Variants in DDX20 observed in about 807,000 individuals in gnomAD.
The protein encoded by DDX20 is probable ATP-dependent RNA helicase DDX20.
DDX20 carries 61 observed loss-of-function variants against 76.4 expected under a neutral mutation model. That is an observed-to-expected ratio of 0.80 (90% CI 0.65 to 0.99). The LOEUF is 0.99. Among genes scored for constraint, DDX20 ranks in the 50% least tolerant of loss-of-function variants. The pLI is 0.00. For synonymous variants in DDX20, 357 were observed against 357.4 expected (o/e 1.00, Z 0.01); for missense variants, 976 against 996.8 (o/e 0.98, Z 0.28).
At chr1:111,758,745 ATTTT>A (rs550213977) in intron 2 of DDX20, among the ~76,000 whole-genome samples, 7 of 151,866 alleles carry the variant, frequency 4.6e-5, no homozygotes, top group African/African-American at 1.7e-4. Flanking sequence ...TCCTTGTTTG[ATTTT>A]TTTATGATAC....
At chr1:111,759,627 T>TAA in intron 3 of DDX20, 59 bp downstream of exon 3, 1 of 1,461,942 alleles carries the variant, frequency 6.8e-7, no homozygotes, top group Non-Finnish European at 9.4e-7. Context: ...ACTTTTAATA[T>TAA]AACAATAAAG....
Position 111,767,104 on chromosome 1 carries a change from A to T in DDX20, c.*205A>T, listed in dbSNP as rs1269761986. 1 of 399,572 alleles carries T rather than the reference A, an allele frequency of 2.5e-6. No individual in the cohort carries two copies. Among genetic ancestry groups the T allele is most frequent in the Admixed American group, 4.0e-5 (1 of 24,830 alleles). The allele number at this position is 399,572 out of a possible 1,614,324, so 24.8% of individuals were successfully genotyped here. ...TATCTTCATTTTTAAGAGTTTCTTT[A>T]AGAAACTTCATCAGATTGTTGAAAG... is the stretch of plus-strand genomic sequence containing the variant. On this transcript the variant is annotated 3_prime_UTR_variant, in exon 11 of 11. Transcript: ENST00000369702.
In DDX20 at chr1:111,766,795, G is replaced by A. The variant is rs117402999; in HGVS notation, c.2371G>A (p.Ala791Thr). 14 of 1,614,082 alleles carry A rather than the reference G, an allele frequency of 8.7e-6. No individual in the cohort carries two copies. The highest frequency in any genetic ancestry group is 4.5e-5 in the East Asian group (2 of 44,892). The change falls in exon 11 of 11, where the codon GCT becomes ACT. Residue 791 changes from alanine to threonine, a missense_variant. Ala to Thr is a moderately conservative substitution (Grantham distance 58). Around this residue, in one of 3 missense-constraint regions of DDX20, gnomAD observed 630 missense variants for 693.7 expected, o/e 0.91. Coordinates refer to ENST00000369702, the MANE Select transcript of DDX20 (RefSeq NM_007204.5). ...GGCATGGCAAGAATATTATGCTGCCGCTTCTCATTCATATTATTGGAATGC... is the reference window on the plus strand; with the variant it reads ...GGCATGGCAAGAATATTATGCTGCCACTTCTCATTCATATTATTGGAATGC... Reference protein sequence around the residue: ...YRAWQEYYAAASHSYYWNAQR... With the variant: ...YRAWQEYYAATSHSYYWNAQR...
At chr1:111,761,607 TTTC>T (rs992456299) in intron 7 of DDX20, 10 of 183,806 alleles carry the variant, frequency 5.4e-5, no homozygotes, top group Non-Finnish European at 1.0e-4. Context: ...AAAAATATTT[TTTC>T]TTTAGAATTT....
Position 111,756,241 on chromosome 1 carries a change from C to T in DDX20, c.301+16C>T. ...TGCGGGCTCGGTGAGAGCGGGGGCCCGGGATAGGTCGGGGGGTGGGGTGGG... is the reference window on the plus strand; with the variant it reads ...TGCGGGCTCGGTGAGAGCGGGGGCCTGGGATAGGTCGGGGGGTGGGGTGGG... On this transcript the variant is annotated intron_variant, in intron 1 of 10. Transcript: ENST00000369702. The T allele has an allele frequency of 1.3e-6, 1 of 798,370 alleles. No individual in the cohort carries two copies. The highest frequency in any genetic ancestry group is 1.6e-6 in the Non-Finnish European group (1 of 607,254). 49.5% of individuals were successfully genotyped at this position (798,370 alleles called of 1,614,324 possible).
At chr1:111,760,216 T>G (rs1010658176) in intron 3 of DDX20, among the ~76,000 whole-genome samples, 1 of 152,164 alleles carries the variant, frequency 6.6e-6, no homozygotes, top group African/African-American at 2.4e-5. Flanking sequence ...AATCAGCATC[T>G]TGCATTCAGT....
Position 111,767,599 on chromosome 1 carries a change from C to T in DDX20, c.*700C>T, listed in dbSNP as rs1469546932. On this transcript the variant is annotated 3_prime_UTR_variant, in exon 11 of 11. Transcript: ENST00000369702. ...ATCAGTTGCTGTCTTACTTGTGTTG[C>T]TCAGATAGAGGAGCAGCTCTTAATC... 1.3e-5 allele frequency: 2 copies of T among 152,128 alleles called. No individual in the cohort carries two copies. The highest frequency in any genetic ancestry group is 2.9e-5 in the Non-Finnish European group (2 of 68,010). 9.4% of individuals were successfully genotyped at this position (152,128 alleles called of 1,614,324 possible).
Position 111,760,521 on chromosome 1 carries a change from A to G in DDX20, c.613A>G (p.Ile205Val), listed in dbSNP as rs1191484858. The change falls in exon 4 of 11, where the codon ATA (isoleucine) becomes GTA (valine). Residue 205 changes from isoleucine to valine, a missense_variant. Ile to Val is a conservative substitution (Grantham distance 29). Around this residue, in one of 3 missense-constraint regions of DDX20, gnomAD observed 343 missense variants for 286.4 expected, o/e 1.20. Coordinates refer to ENST00000369702, the MANE Select transcript of DDX20 (RefSeq NM_007204.5). The part of the protein sequence containing the change: ...IELDYLNPGS[I>V]RLFILDEADK... ...ACTTGACTACTTGAACCCAGGCAGT[A>G]TACGCCTCTTTATTCTTGATGAAGC... 7 of 1,613,122 alleles carry G rather than the reference A, an allele frequency of 4.3e-6. No homozygotes were observed. The highest frequency in any genetic ancestry group is 1.7e-5 in the Admixed American group (1 of 59,838).
Position 111,765,924 on chromosome 1 carries a change from T to C in DDX20, c.1500T>C (p.Ser500=), listed in dbSNP as rs776147017. Residue 500 remains serine (S), a synonymous_variant, in exon 11 of 11, where the codon TCT becomes TCC. Coordinates refer to ENST00000369702, the MANE Select transcript of DDX20 (RefSeq NM_007204.5). The part of the protein sequence containing the change: ...GDHMASSRNN[S]VSGLSVKSKN... ...ACATGGCTTCCTCTAGAAATAATTC[T>C]GTATCTGGACTATCAGTCAAATCAA... 6.2e-7 allele frequency: 1 copy of C among 1,613,864 alleles called. No individual in the cohort carries two copies. The highest frequency in any genetic ancestry group is 8.5e-7 in the Non-Finnish European group (1 of 1,179,940).
In DDX20 at chr1:111,766,815, G is replaced by A; in HGVS notation, c.2391G>A (p.Trp797Ter). Residue 797 changes from tryptophan (W) to a stop codon, truncating the protein, a stop_gained, in exon 11 of 11, where the codon TGG (tryptophan) becomes TGA (stop). Transcript: ENST00000369702. LOFTEE classifies it high-confidence loss of function. ...CTGCCGCTTCTCATTCATATTATTG[G>A]AATGCTCAGAGACATCCAAGTTGGA... ...YYAAASHSYY[W>*]NAQRHPSWMA... 5 of 1,614,094 alleles carry A rather than the reference G, an allele frequency of 3.1e-6. No individual in the cohort carries two copies. Among genetic ancestry groups the A allele is most frequent in the Non-Finnish European group, 4.2e-6 (5 of 1,179,972 alleles).
chr1:111,756,752 G>T lies in DDX20; in HGVS notation c.396+12G>T, dbSNP rs777518421. On this transcript the variant is annotated intron_variant, in intron 2 of 10. Coordinates refer to ENST00000369702, the MANE Select transcript of DDX20 (RefSeq NM_007204.5). ...ACTTAAGTACCCAGGTGAGTTAGCT[G>T]AGAGGACCAGAGGAGGATGTGTTTT... 3.1e-6 allele frequency: 5 copies of T among 1,599,100 alleles called. No homozygotes were observed. The Admixed American group carries it at 6.7e-5, about 21-fold the overall frequency.
chr1:111,765,969 G>A lies in DDX20; in HGVS notation c.1545G>A (p.Lys515=). The change falls in exon 11 of 11, where the codon AAG becomes AAA. Residue 515 remains lysine, a synonymous_variant. Coordinates refer to ENST00000369702, the MANE Select transcript of DDX20 (RefSeq NM_007204.5). ...AATCAAAAAATAATACCAAACAAAA[G>A]CTTCCTGTGAAAAGCCACTCAGAAT... ...SVKSKNNTKQ[K]LPVKSHSECG... 1 of 1,613,592 alleles carries A rather than the reference G, an allele frequency of 6.2e-7. No individual in the cohort carries two copies. The highest frequency in any genetic ancestry group is 8.5e-7 in the Non-Finnish European group (1 of 1,179,906).
rs754249522 is a variant in DDX20 at position 111,762,906 on chromosome 1, G to A, written c.1211G>A (p.Gly404Asp). ...TACCTAACATTCTCTCTGCTTTTAGGTACATTGGGGCTGACAGTGACCTAC... is the reference window on the plus strand; with the variant it reads ...TACCTAACATTCTCTCTGCTTTTAGATACATTGGGGCTGACAGTGACCTAC... ...MHRIGRAGRF[G>D]TLGLTVTYCC... Residue 404 changes from glycine to aspartate, a missense_variant and splice_region_variant, in exon 10 of 11, where the codon GGT becomes GAT. This residue lies in a region of DDX20 where 630 missense variants were observed against 693.7 expected (regional missense o/e 0.91). Coordinates refer to ENST00000369702, the MANE Select transcript of DDX20 (RefSeq NM_007204.5). 1.2e-6 allele frequency: 2 copies of A among 1,613,288 alleles called. No individual in the cohort carries two copies. The highest frequency in any genetic ancestry group is 1.7e-6 in the Non-Finnish European group (2 of 1,179,360).
At position 111,761,064 on chromosome 1, in the gene DDX20, C is replaced by A. The variant is rs147000193; in HGVS notation, c.901C>A (p.Gln301Lys). ...TTTTGAGGAAAAGACTCAGCATTTA[C>A]AGGAACTGTTCAGCAGAATTCCATT... ...KVFEEKTQHL[Q>K]ELFSRIPFNQ... The change falls in exon 6 of 11, where the codon CAG becomes AAG. Residue 301 changes from glutamine to lysine, a missense_variant. Gln to Lys is a moderately conservative substitution (Grantham distance 53). Transcript: ENST00000369702. 3.1e-6 allele frequency: 5 copies of A among 1,613,830 alleles called. No homozygotes were observed. Among genetic ancestry groups the A allele is most frequent in the Non-Finnish European group, 4.2e-6 (5 of 1,179,906 alleles).
rs771425520 is a variant in DDX20, at chr1:111,766,140, C to G, written c.1716C>G (p.Leu572=). 3 of 1,614,068 alleles carry G rather than the reference C, an allele frequency of 1.9e-6. No individual in the cohort carries two copies. The Admixed American group carries it at 5.0e-5, about 27-fold the overall frequency. Residue 572 remains leucine, a synonymous_variant, in exon 11 of 11, where the codon CTC becomes CTG. Transcript: ENST00000369702. ...TCAAAGAAGCTTTACCTGTGTCACT[C>G]CCCCAGATTCCTTGTCTGTCTTCCT... ...HQVKEALPVS[L]PQIPCLSSFK...
At chr1:111,762,388 A>T (rs1553234077) in intron 8 of DDX20, 51 bp downstream of exon 8, 1 of 1,368,038 alleles carries the variant, frequency 7.3e-7, no homozygotes, top group Non-Finnish European at 1.0e-6. Context: ...CATATGTTCT[A>T]TTATCAGATG....
chr1:111,759,771 G>A (rs1242066240), intron 3 of DDX20, among the ~76,000 whole-genome samples: 3 of 151,728 alleles, frequency 2.0e-5, no homozygotes, highest in East Asian at 3.9e-4. Flanking sequence ...TCAGGAGATC[G>A]AGACCATCCT....
At chr1:111,764,032 C>T (rs1663727048) in intron 10 of DDX20, among the ~76,000 whole-genome samples, 1 of 152,064 alleles carries the variant, frequency 6.6e-6, no homozygotes, top group African/African-American at 2.4e-5. Flanking sequence ...GTAATGCCAG[C>T]ACTTTGGGAG....
chr1:111,761,017 C>A lies in DDX20; in HGVS notation c.854C>A (p.Ser285Ter). The change falls in exon 6 of 11, where the codon TCA becomes TAA. Residue 285 changes from serine to a stop codon, truncating the protein, a stop_gained. Coordinates refer to ENST00000369702, the MANE Select transcript of DDX20 (RefSeq NM_007204.5). LOFTEE classifies it high-confidence loss of function. ...GLKQYYKVVN[S>*]YPLAHKVFEE... Reference sequence around the variant, plus strand: ...AAGCAGTATTACAAAGTTGTCAATTCATACCCTTTGGCACATAAGGTTTTT... The same window carrying A: ...AAGCAGTATTACAAAGTTGTCAATTAATACCCTTTGGCACATAAGGTTTTT... 1 of 1,613,908 alleles carries A rather than the reference C, an allele frequency of 6.2e-7. No homozygotes were observed. The highest frequency in any genetic ancestry group is 2.2e-5 in the East Asian group (1 of 44,860).
Sources: allele counts gnomAD v4.1 joint callset (sites outside exome capture counted in the v4.1 genomes callset), GRCh38; gene constraint gnomAD v4.1.1; regional missense constraint gnomAD v4.1.1; transcripts MANE v1.5; gene names NCBI Gene and HGNC (gene_info 2026-07-23, HGNC 2026-07-21).